Variants in CCT4 observed in about 807,000 individuals in gnomAD.
CCT4 encodes T-complex protein 1 subunit delta.
In CCT4, 17 loss-of-function variants were observed where a neutral mutation model predicts 62.5. The ratio of observed to expected loss-of-function variants is 0.27; its 90% CI spans 0.19 to 0.41. The LOEUF is 0.41. CCT4 is among the 10% of genes least tolerant of loss of function. The pLI, the probability that CCT4 is intolerant of heterozygous loss-of-function variation, is 1.00. For missense variants in CCT4, 592 were observed against 659.2 expected (o/e 0.90, Z 1.12); for synonymous variants, 250 against 229.9 (o/e 1.09, Z -0.79).
rs1226033932 is a variant in CCT4 at position 61,876,146 on chromosome 2, T to C, written c.866A>G (p.Gln289Arg). 8.1e-6 allele frequency: 13 copies of C among 1,607,228 alleles called. No homozygotes were observed. The highest frequency in any genetic ancestry group is 1.0e-5 in the Non-Finnish European group (12 of 1,174,046). Reference protein sequence around the residue: ...ERAYILNLVKQIKKTGCNVLL... With the variant: ...ERAYILNLVKRIKKTGCNVLL... ...GACATTACATCCTGTTTTTTTAATT[T>C]GCTTCACTAAATTTAAAATATAGGC... The change falls in exon 8 of 14, where the codon CAA becomes CGA. Residue 289 changes from glutamine (Q) to arginine (R), a missense_variant. Gln to Arg is a conservative substitution (Grantham distance 43, BLOSUM62 1). Transcript: ENST00000394440.
At chr2:61,887,502 T>A (rs1160097289) in intron 1 of CCT4, among the ~76,000 whole-genome samples, 1 of 151,984 alleles carries the variant, frequency 6.6e-6, no homozygotes, top group Admixed American at 6.5e-5. Flanking sequence ...TCTGTAAACA[T>A]ACTACTATTC....
At chr2:61,871,621 A>C (rs952981812) in intron 12 of CCT4, among the ~76,000 whole-genome samples, 10 of 152,246 alleles carry the variant, frequency 6.6e-5, no homozygotes, top group Admixed American at 2.6e-4. Context: ...CTCCTCAACA[A>C]AACATTAATA....
chr2:61,872,932 A>T (rs192771705), intron 10 of CCT4, 70 bp downstream of exon 10: 10 of 932,558 alleles, frequency 1.1e-5, no homozygotes, highest in African/African-American at 5.0e-5. Flanking sequence ...GTCTCAAAAA[A>T]AGAAAAAAAA....
intron 1 of CCT4, among the ~76,000 whole-genome samples, chr2:61,886,323 A>T (rs976490861): frequency 6.6e-6 from 1 of 152,148 alleles, no homozygotes; most frequent in Non-Finnish European, 1.5e-5. Flanking sequence ...GAGGCAGGAG[A>T]ACCGCTTGAA....
At position 61,885,087 on chromosome 2, in the gene CCT4, GA is replaced by G. The variant is rs35876878; in HGVS notation, c.128-16del. On this transcript the variant is annotated splice_polypyrimidine_tract_variant and intron_variant, in intron 1 of 13. Transcript: ENST00000394440. Reference sequence around the variant, plus strand: ...ATCAGCAACCGCTGCAGATGGGGGGGAAAAAAAAGAAAACAAATTAGAACTT... The same window carrying G: ...ATCAGCAACCGCTGCAGATGGGGGGGAAAAAAAGAAAACAAATTAGAACTT... 5.1e-5 allele frequency: 78 copies of G among 1,515,598 alleles called. No individual in the cohort carries two copies. Among genetic ancestry groups the G allele is most frequent in the Admixed American group, 2.3e-4 (9 of 39,880 alleles). The allele number at this position is 1,515,598 out of a possible 1,614,324, so 93.9% of individuals were successfully genotyped here. A position where few individuals can be genotyped will look rare whatever the true frequency, so the allele number is the denominator to read the frequency against.
rs369007542 is a variant in CCT4 at position 61,874,807 on chromosome 2, G to A, written c.917+1288C>T. 1.1e-4 allele frequency among the ~76,000 whole-genome samples: 16 copies of A among 152,186 alleles called. No homozygotes were observed. In the East Asian group the frequency reaches 2.7e-3, roughly 26 times the overall value. Reference sequence around the variant, plus strand: ...GGCTTTTAAAAGAACAAGGCTTGATGTTTAGGACCTTGGTCTAGGTAAGAT... The same window carrying A: ...GGCTTTTAAAAGAACAAGGCTTGATATTTAGGACCTTGGTCTAGGTAAGAT... On this transcript the variant is annotated intron_variant, in intron 8 of 13. Coordinates refer to ENST00000394440, the MANE Select transcript of CCT4 (RefSeq NM_006430.4).
intron 3 of CCT4, among the ~76,000 whole-genome samples, chr2:61,882,752 C>T (rs750459462): frequency 6.6e-6 from 1 of 152,084 alleles, no homozygotes; most frequent in Non-Finnish European, 1.5e-5. Context: ...CTCAAGCAAT[C>T]CTCCCACCTT....
At chr2:61,883,416 CAA>C (rs57068738) in intron 3 of CCT4, 41 bp downstream of exon 3, 133,039 of 692,046 alleles carry the variant, frequency 0.19, 2,038 homozygotes, top group Middle Eastern at 0.26. Flanking sequence ...GACTCTGTCT[CAA>C]AAAAAAAAAA....
At position 61,869,369 on chromosome 2, in the gene CCT4, C is replaced by T. The variant is rs911300971; in HGVS notation, c.1605+71G>A. 25 of 867,808 alleles carry T rather than the reference C, an allele frequency of 2.9e-5. No homozygotes were observed. The Admixed American group carries it at 3.3e-4, about 11-fold the overall frequency. 53.8% of individuals were successfully genotyped at this position (867,808 alleles called of 1,614,324 possible). The stretch of plus-strand genomic sequence containing the variant: ...CAACCAACCAACCAAACAACAACAA[C>T]AACAAAAAACCTTTAAAAAATATAT... On this transcript the variant is annotated intron_variant, in intron 13 of 13. Transcript: ENST00000394440.
At chr2:61,879,277 T>TTTTTTG (rs397792406) in intron 4 of CCT4, among the ~76,000 whole-genome samples, 1 of 144,882 alleles carries the variant, frequency 6.9e-6, no homozygotes, top group African/African-American at 2.7e-5. Flanking sequence ...TTTTTTTTTT[T>TTTTTTG]CTGAGACAGG....
intron 3 of CCT4, among the ~76,000 whole-genome samples, chr2:61,882,005 C>T (rs1374253732): frequency 6.6e-6 from 1 of 151,304 alleles, no homozygotes; most frequent in Admixed American, 6.6e-5. Flanking sequence ...GCAATCTCGG[C>T]TCACTGCAAC....
intron 12 of CCT4, among the ~76,000 whole-genome samples, chr2:61,870,877 A>G (rs1289740613): frequency 2.0e-5 from 3 of 152,058 alleles, no homozygotes; most frequent in African/African-American, 7.2e-5. Flanking sequence ...TGACAGTGCT[A>G]CTGCACTGCA....
intron 7 of CCT4, 76 bp from the exon 8 acceptor site, chr2:61,876,310 C>A (rs1669000158): frequency 1.8e-6 from 2 of 1,115,216 alleles, no homozygotes. Context: ...AGCGAAAATA[C>A]TATGTGTTGT....
intron 3 of CCT4, among the ~76,000 whole-genome samples, chr2:61,880,648 CG>C (rs1382254262): frequency 6.6e-6 from 1 of 152,088 alleles, no homozygotes; most frequent in Admixed American, 6.6e-5. Context: ...AAAAATATAT[CG>C]TAAGTACTCT....
chr2:61,886,807 T>C (rs1244547976), intron 1 of CCT4, among the ~76,000 whole-genome samples: 1 of 152,044 alleles, frequency 6.6e-6, no homozygotes, highest in Admixed American at 6.6e-5. Flanking sequence ...TCACCCTGGC[T>C]GGAGTGCAAT....
chr2:61,883,922 G>A (rs1295506014), intron 2 of CCT4, among the ~76,000 whole-genome samples: 10 of 152,120 alleles, frequency 6.6e-5, no homozygotes, highest in East Asian at 1.9e-4. Flanking sequence ...CATGCCATGC[G>A]GTGAACACAA....
intron 12 of CCT4, among the ~76,000 whole-genome samples, chr2:61,870,177 T>C (rs1668854241): frequency 6.6e-6 from 1 of 151,748 alleles, no homozygotes; most frequent in African/African-American, 2.4e-5. Flanking sequence ...CTCAGGAGGC[T>C]GAGGCAGAAG....
rs193175163 is a variant in CCT4, at chr2:61,877,181, C to T, written c.645-129G>A. On this transcript the variant is annotated intron_variant, in intron 6 of 13. Coordinates refer to ENST00000394440, the MANE Select transcript of CCT4 (RefSeq NM_006430.4). ...CAGCCTCACATTTATTATTGCCCCA[C>T]TCCTGGATCTCTTTGATCCACTGCT... 8.0e-4 allele frequency: 746 copies of T among 937,234 alleles called. 5 individuals are homozygous for T. Among genetic ancestry groups the T allele is most frequent in the Non-Finnish European group, 9.8e-4 (615 of 626,882 alleles). The allele number at this position is 937,234 out of a possible 1,614,324, so 58.1% of individuals were successfully genotyped here.
chr2:61,874,553 G>C (rs539721771), intron 8 of CCT4, among the ~76,000 whole-genome samples: 2 of 151,898 alleles, frequency 1.3e-5, no homozygotes, highest in South Asian at 4.2e-4. Context: ...AGAGGTTGCA[G>C]TGAGCTGAGA....
Sources: allele counts gnomAD v4.1 joint callset (sites outside exome capture counted in the v4.1 genomes callset), GRCh38; gene constraint gnomAD v4.1.1; transcripts MANE v1.5; gene names NCBI Gene and HGNC (gene_info 2026-07-23, HGNC 2026-07-21).